The following DNAH14 variants were observed in gnomAD, a reference collection of about 807,000 sequenced individuals.
DNAH14 encodes axonemal beta dynein heavy chain 14.
DNAH14 carries 478 observed loss-of-function variants against 520.9 expected under a neutral mutation model. The ratio of observed to expected loss-of-function variants is 0.92; its 90% CI spans 0.85 to 0.99. The LOEUF (loss-of-function observed/expected upper bound fraction) is 0.99. DNAH14 is among the 50% of genes least tolerant of loss of function. The probability of loss-of-function intolerance (pLI) is 0.00; values close to 1 mark genes in which losing one functional copy is unlikely to be tolerated. For synonymous variants in DNAH14, 1,581 were observed against 1,757.2 expected (o/e 0.90, Z 2.51); for missense variants, 4,831 against 5,234.5 (o/e 0.92, Z 2.38).
At chr1:224,955,218 C>T in intron 3 of DNAH14, 120 bp downstream of exon 3, 9 of 1,053,062 alleles carry the variant, frequency 8.5e-6, no homozygotes, top group Non-Finnish European at 1.3e-5. Context: ...ATATTAGTGT[C>T]TATTTTACTA....
At chr1:225,137,352 CTGTTTTGTTT>C (rs777767346) in intron 27 of DNAH14, among the ~76,000 whole-genome samples, 7 of 151,364 alleles carry the variant, frequency 4.6e-5, no homozygotes, top group South Asian at 2.1e-4. Context: ...TTGTTGTTTT[CTGTTTTGTTT>C]TGTTTTGTTT....
Position 225,051,490 on chromosome 1 carries a change from C to G in DNAH14, c.2119C>G (p.Leu707Val), listed in dbSNP as rs1270657547. ...LLTIIGNSMGLVNAYSHKFIK... is the reference protein window; with the variant it reads ...LLTIIGNSMGVVNAYSHKFIK... ...GACTATTATTGGTAATTCAATGGGC[C>G]TAGTTAATGCTTACAGCCACAAGTT... The change falls in exon 17 of 86, where the codon CTA (leucine) becomes GTA (valine). Residue 707 changes from leucine (L) to valine (V), a missense_variant. Coordinates refer to ENST00000682510, the MANE Select transcript of DNAH14 (RefSeq NM_001367479.1). 2.0e-6 allele frequency: 3 copies of G among 1,537,150 alleles called. No individual in the cohort carries two copies.
rs773368117 is a variant in DNAH14 at position 225,318,695 on chromosome 1, C to T, written c.9335+18C>T. On this transcript the variant is annotated intron_variant, in intron 61 of 85. Coordinates refer to ENST00000682510, the MANE Select transcript of DNAH14 (RefSeq NM_001367479.1). ...GAATTAAGGTAACTCTCCTAAGTTT[C>T]GTTTGAGTTGGAAAAGCTCAGAAAA... 28 of 1,529,066 alleles carry T rather than the reference C, an allele frequency of 1.8e-5. No homozygotes were observed. The highest frequency in any genetic ancestry group is 4.3e-5 in the Admixed American group (2 of 45,990). The allele number at this position is 1,529,066 out of a possible 1,614,324, so 94.7% of individuals were successfully genotyped here. A position where few individuals can be genotyped will look rare whatever the true frequency, so the allele number is the denominator to read the frequency against.
At chr1:225,163,211 T>A (rs1321940588) in intron 35 of DNAH14, among the ~76,000 whole-genome samples, 1 of 151,842 alleles carries the variant, frequency 6.6e-6, no homozygotes, top group Non-Finnish European at 1.5e-5. Flanking sequence ...TGCTTTTGTA[T>A]CCTGCAACCT....
chr1:225,161,476 A>T (rs918206957), intron 35 of DNAH14, among the ~76,000 whole-genome samples: 2 of 152,194 alleles, frequency 1.3e-5, no homozygotes, highest in Non-Finnish European at 2.9e-5. Flanking sequence ...TGCAGCAAAC[A>T]TGCAGATATG....
intron 66 of DNAH14, among the ~76,000 whole-genome samples, chr1:225,334,908 G>GTGTA (rs58202867): frequency 0.14 from 21,155 of 146,064 alleles, 2,299 homozygotes; most frequent in African/African-American, 0.32. Context: ...GTGTGTGTGT[G>GTGTA]TATATGTATA....
Position 225,367,965 on chromosome 1 carries a change from A to G in DNAH14, c.12251A>G (p.Asn4084Ser), listed in dbSNP as rs757046385. ...CTATGTTTTTTCAATGCTGTAATCA[A>G]TGAAAGAAAAAATTACGGAATATTG... ...FSLCFFNAVI[N>S]ERKNYGILGW... The change falls in exon 77 of 86, where the codon AAT (asparagine) becomes AGT (serine). Residue 4084 changes from asparagine (N) to serine (S), a missense_variant. Asn to Ser is a conservative substitution (Grantham distance 46). Transcript: ENST00000682510. The G allele has an allele frequency of 3.2e-6, 5 of 1,551,512 alleles. No homozygotes were observed. The African/African-American group carries it at 5.5e-5, about 17-fold the overall frequency.
Position 225,303,230 on chromosome 1 carries a change from G to A in DNAH14, c.8706G>A (p.Val2902=). ...EGPSFRQNCR[V]YPSMISSCTI... is the part of the protein sequence containing the mutation. ...CTAGCTTCCGCCAAAATTGTAGAGT[G>A]TATCCTTCTATGATTAGCTCCTGCA... Residue 2902 remains valine (V), a synonymous_variant, in exon 57 of 86, where the codon GTG becomes GTA. Coordinates refer to ENST00000682510, the MANE Select transcript of DNAH14 (RefSeq NM_001367479.1). 1 of 1,551,206 alleles carries A rather than the reference G, an allele frequency of 6.4e-7. No homozygotes were observed. Among genetic ancestry groups the A allele is most frequent in the Non-Finnish European group, 8.7e-7 (1 of 1,146,642 alleles).
chr1:225,183,988 A>G (rs1231616230), intron 36 of DNAH14, among the ~76,000 whole-genome samples: 1 of 152,180 alleles, frequency 6.6e-6, no homozygotes, highest in Non-Finnish European at 1.5e-5. Context: ...AAATTCTACC[A>G]GATGTACAAA....
At chr1:225,107,652 G>T (rs774522051) in intron 23 of DNAH14, among the ~76,000 whole-genome samples, 8 of 152,168 alleles carry the variant, frequency 5.3e-5, no homozygotes, top group Admixed American at 1.3e-4. Flanking sequence ...AACCCCACCT[G>T]CCATGGATAC....
At chr1:225,386,215 G>A (rs1212861581) in intron 81 of DNAH14, among the ~76,000 whole-genome samples, 2 of 152,008 alleles carry the variant, frequency 1.3e-5, no homozygotes, top group African/African-American at 2.4e-5. Context: ...CTTACACCTG[G>A]TATAAAAATT....
chr1:225,331,205 A>T (rs919999447), intron 64 of DNAH14, among the ~76,000 whole-genome samples: 1 of 152,202 alleles, frequency 6.6e-6, no homozygotes, highest in Non-Finnish European at 1.5e-5. Flanking sequence ...GATTGTAAAA[A>T]AAAAGCCTAT....
chr1:224,974,055 A>G, intron 7 of DNAH14, 36 bp from the exon 8 acceptor site: 2 of 1,370,030 alleles, frequency 1.5e-6, no homozygotes, highest in South Asian at 1.6e-5. Flanking sequence ...TACGTGGTTT[A>G]TGGATATGGA....
intron 25 of DNAH14, 149 bp downstream of exon 25, chr1:225,118,148 C>T (rs1209504247): frequency 1.4e-6 from 1 of 724,600 alleles, no homozygotes; most frequent in Non-Finnish European, 2.5e-6. Context: ...TTTGCCTTTC[C>T]ATATTCCCTA....
intron 76 of DNAH14, 74 bp downstream of exon 76, chr1:225,364,968 A>G (rs1359038122): frequency 9.3e-7 from 1 of 1,080,616 alleles, no homozygotes; most frequent in Middle Eastern, 3.1e-4. Context: ...TACATTCAAA[A>G]CTCTGAGTTT....
At chr1:225,011,909 G>T (rs1261076254) in intron 10 of DNAH14, among the ~76,000 whole-genome samples, 2 of 151,178 alleles carry the variant, frequency 1.3e-5, no homozygotes, top group Non-Finnish European at 2.9e-5. Flanking sequence ...TATCTGATTT[G>T]CCAGTCTGTG....
At chr1:225,302,944 C>T (rs924687194) in intron 56 of DNAH14, among the ~76,000 whole-genome samples, 22 of 152,152 alleles carry the variant, frequency 1.4e-4, no homozygotes, top group Admixed American at 5.9e-4. Flanking sequence ...AGTTGGTTTA[C>T]GCAAGGGGTG....
intron 1 of DNAH14, among the ~76,000 whole-genome samples, chr1:224,948,603 G>A (rs2059987108): frequency 6.6e-6 from 1 of 151,346 alleles, no homozygotes; most frequent in Non-Finnish European, 1.5e-5. Context: ...ACTTTATTTT[G>A]TACTTTCTCT....
At chr1:225,236,276 A>G (rs1253193835) in intron 42 of DNAH14, among the ~76,000 whole-genome samples, 1 of 152,072 alleles carries the variant, frequency 6.6e-6, no homozygotes, top group East Asian at 1.9e-4. Flanking sequence ...CCTTAATTTC[A>G]TTATTTACCC....
Sources: gnomAD v4.1 joint callset for allele counts (sites outside exome capture counted in the v4.1 genomes callset) on GRCh38, gnomAD v4.1.1 for gene constraint, MANE v1.5 for transcripts, NCBI Gene and HGNC (gene_info 2026-07-23, HGNC 2026-07-21) for gene names.